The following HERC1 variants were observed in gnomAD, a reference collection of about 807,000 sequenced individuals.
HERC1 encodes the protein probable E3 ubiquitin-protein ligase HERC1.
A neutral mutation model predicts 554.3 loss-of-function variants in HERC1; 160 were observed. The observed-to-expected ratio is 0.29, with a 90% CI of 0.25 to 0.33. The LOEUF is 0.33. Ranked by LOEUF, HERC1 falls within the 10% of genes least tolerant of loss-of-function variation. The pLI is 1.00. For synonymous variants in HERC1, 2,175 were observed against 2,131.7 expected, an observed-to-expected ratio of 1.02 and a Z score of -0.56; for missense variants, 4,919 against 5,918.5, an observed-to-expected ratio of 0.83 and a Z score of 5.54.
At chr15:63,623,016 A>C in intron 73 of HERC1, 125 bp from the exon 74 acceptor site, 1 of 602,008 alleles carries the variant, frequency 1.7e-6, no homozygotes, top group South Asian at 2.1e-5. Context: ...GTGACAACCA[A>C]CAATTTCATA....
intron 69 of HERC1, among the ~76,000 whole-genome samples, chr15:63,630,090 G>A (rs577806284): frequency 6.6e-6 from 1 of 152,224 alleles, no homozygotes; most frequent in South Asian, 2.1e-4. Flanking sequence ...ATCAACTGAT[G>A]TTCCCAGGAC....
chr15:63,728,509 T>C (rs964330642), intron 16 of HERC1, among the ~76,000 whole-genome samples: 3 of 152,214 alleles, frequency 2.0e-5, no homozygotes, highest in Admixed American at 2.0e-4. Flanking sequence ...TGTTCCCTTC[T>C]TTCTTTTTTC....
At chr15:63,781,893 T>C (rs2076299785) in intron 1 of HERC1, among the ~76,000 whole-genome samples, 1 of 152,142 alleles carries the variant, frequency 6.6e-6, no homozygotes, top group Non-Finnish European at 1.5e-5. Flanking sequence ...AAAGTCTGAG[T>C]GGTCTGGATA....
intron 1 of HERC1, among the ~76,000 whole-genome samples, chr15:63,821,951 A>T (rs1468644897): frequency 1.3e-5 from 2 of 152,134 alleles, no homozygotes; most frequent in Non-Finnish European, 2.9e-5. Context: ...AGGAAGCATA[A>T]GTGCCATAAA....
intron 12 of HERC1, among the ~76,000 whole-genome samples, chr15:63,745,079 C>T (rs1356490111): frequency 3.3e-5 from 5 of 152,170 alleles, no homozygotes; most frequent in Admixed American, 6.5e-5. Context: ...GGGAGACTTG[C>T]GACTCTGACT....
chr15:63,754,059 A>T (rs751553855), intron 7 of HERC1, among the ~76,000 whole-genome samples: 34 of 151,992 alleles, frequency 2.2e-4, no homozygotes, highest in Non-Finnish European at 4.3e-4. Context: ...CTGTAGTCCC[A>T]GCTACTTGGG....
chr15:63,739,513 T>C (rs2074700867), intron 12 of HERC1, among the ~76,000 whole-genome samples: 1 of 151,836 alleles, frequency 6.6e-6, no homozygotes, highest in Admixed American at 6.6e-5. Context: ...GGTATTGCTA[T>C]GGACTTGCTT....
At chr15:63,791,035 C>G (rs896470499) in intron 1 of HERC1, among the ~76,000 whole-genome samples, 1 of 152,098 alleles carries the variant, frequency 6.6e-6, no homozygotes, top group Non-Finnish European at 1.5e-5. Flanking sequence ...CTGTATCTAT[C>G]ACGCTTCTAA....
intron 24 of HERC1, among the ~76,000 whole-genome samples, chr15:63,711,222 G>A (rs996302817): frequency 2.0e-5 from 3 of 152,160 alleles, no homozygotes; most frequent in Non-Finnish European, 4.4e-5. Flanking sequence ...CTACTCGGGA[G>A]GCTGAGGCAG....
At chr15:63,804,580 G>A (rs1347802751) in intron 1 of HERC1, among the ~76,000 whole-genome samples, 1 of 149,142 alleles carries the variant, frequency 6.7e-6, no homozygotes, top group Non-Finnish European at 1.5e-5. Context: ...GAGCAAAACT[G>A]TCTCAAAAAA....
Position 63,727,737 on chromosome 15 carries a change from G to A in HERC1, c.3256C>T (p.Leu1086Phe). 1.2e-6 allele frequency: 2 copies of A among 1,613,942 alleles called. No homozygotes were observed. The highest frequency in any genetic ancestry group is 1.7e-6 in the Non-Finnish European group (2 of 1,179,844). ...SVARPLLSYL[L>F]DLLPPLDCLN... ...CAATCAAGAGGTGGCAACAAGTCGAGGAGGTAACTCAATAAAGGCCGAGCC... is the reference window on the plus strand; with the variant it reads ...CAATCAAGAGGTGGCAACAAGTCGAAGAGGTAACTCAATAAAGGCCGAGCC... Residue 1086 changes from leucine (L) to phenylalanine (F), a missense_variant, in exon 17 of 78, where the codon CTC (leucine) becomes TTC (phenylalanine). By Grantham distance (22) the Leu-to-Phe change is conservative. Transcript: ENST00000443617. The surrounding 1 kb of genome is among the most constrained non-coding windows in gnomAD (Gnocchi z 4.3).
chr15:63,657,812 T>G (rs1292855939), intron 48 of HERC1, among the ~76,000 whole-genome samples: 1 of 152,194 alleles, frequency 6.6e-6, no homozygotes, highest in African/African-American at 2.4e-5. Context: ...TTTATATAGT[T>G]TGAGGTTGGG....
intron 1 of HERC1, among the ~76,000 whole-genome samples, chr15:63,826,506 C>G (rs886267164): frequency 3.3e-5 from 5 of 151,902 alleles, no homozygotes; most frequent in Non-Finnish European, 2.9e-5. Flanking sequence ...CTTAGAATTT[C>G]AGTTATCCTC....
rs753107374 is a variant in HERC1, at chr15:63,672,612, C to T, written c.7929G>A (p.Thr2643=). ...PVTTSPSASS[T]TSFMSSSLED... ...CCAGAGAGCTGCTCATAAAGGAGGTCGTGCTTGAGGCTGATGGGCTAGTAG... is the reference window on the plus strand; with the variant it reads ...CCAGAGAGCTGCTCATAAAGGAGGTTGTGCTTGAGGCTGATGGGCTAGTAG... The change falls in exon 39 of 78, where the codon ACG becomes ACA. Residue 2643 remains threonine (T), a synonymous_variant. Coordinates refer to ENST00000443617, the MANE Select transcript of HERC1 (RefSeq NM_003922.4). 36 of 1,612,566 alleles carry T rather than the reference C, an allele frequency of 2.2e-5. No individual in the cohort carries two copies. The highest frequency in any genetic ancestry group is 3.0e-5 in the Non-Finnish European group (35 of 1,179,336).
chr15:63,790,478 T>C (rs1253307670), intron 1 of HERC1, among the ~76,000 whole-genome samples: 1 of 151,900 alleles, frequency 6.6e-6, no homozygotes, highest in African/African-American at 2.4e-5. Flanking sequence ...CTTGGGAAGC[T>C]GAGGCAGGAG....
intron 1 of HERC1, among the ~76,000 whole-genome samples, chr15:63,791,768 T>C (rs1179459360): frequency 6.6e-6 from 1 of 152,188 alleles, no homozygotes. Flanking sequence ...TGTGAAAATT[T>C]AGAATGAATT....
intron 72 of HERC1, 29 bp downstream of exon 72, chr15:63,624,129 A>G: frequency 6.4e-7 from 1 of 1,559,488 alleles, no homozygotes. Context: ...ATCACAGCTC[A>G]TTAGTCAAAC....
rs546945454 is a variant in HERC1, at chr15:63,638,755, C to G, written c.11923G>C (p.Gly3975Arg). The G allele has an allele frequency of 1.2e-6, 2 of 1,613,460 alleles. No individual in the cohort carries two copies. The highest frequency in any genetic ancestry group is 3.3e-5 in the Admixed American group (2 of 60,006). ...CAAGACATAATTTGTTCATCCATGCCGTTAATCCATTTACTGTTATCCTGA... is the reference window on the plus strand; with the variant it reads ...CAAGACATAATTTGTTCATCCATGCGGTTAATCCATTTACTGTTATCCTGA... Reference protein sequence around the residue: ...FLMDNSKWINGMDEQIMSWAT... With the variant: ...FLMDNSKWINRMDEQIMSWAT... The change falls in exon 62 of 78, where the codon GGC becomes CGC. Residue 3975 changes from glycine (G) to arginine (R), a missense_variant. This residue lies in a region of HERC1 where 1,963 missense variants were observed against 2,228.6 expected (regional missense o/e 0.88). Transcript: ENST00000443617.
intron 74 of HERC1, among the ~76,000 whole-genome samples, chr15:63,617,886 T>C (rs886078497): frequency 4.6e-5 from 7 of 152,336 alleles, no homozygotes; most frequent in African/African-American, 1.7e-4. Context: ...TTGGAGTTCA[T>C]TGTAGATTCT....
Sources: allele counts gnomAD v4.1 joint callset (sites outside exome capture counted in the v4.1 genomes callset), GRCh38; gene constraint gnomAD v4.1.1; regional missense constraint gnomAD v4.1.1; non-coding constraint Gnocchi (gnomAD v3.1); transcripts MANE v1.5; gene names NCBI Gene and HGNC (gene_info 2026-07-23, HGNC 2026-07-21).